The following VOPP1 variants were observed in gnomAD, a reference collection of about 807,000 sequenced individuals.
VOPP1 encodes VOPP1 WW domain binding protein.
A neutral mutation model predicts 23.5 loss-of-function variants in VOPP1; 8 were observed. The ratio of observed to expected loss-of-function variants is 0.34; its 90% CI spans 0.20 to 0.61. The LOEUF (loss-of-function observed/expected upper bound fraction) is 0.61. Ranked by LOEUF, VOPP1 falls within the 20% of genes least tolerant of loss-of-function variation. The probability of loss-of-function intolerance (pLI) is 0.78; values close to 1 mark genes in which losing one functional copy is unlikely to be tolerated. For synonymous variants in VOPP1, 83 were observed against 97.3 expected, an observed-to-expected ratio of 0.85 and a Z score of 0.86; for missense variants, 174 against 238.1, an observed-to-expected ratio of 0.73 and a Z score of 1.77.
rs1791858269 is a variant in VOPP1, at chr7:55,472,031, G to A, written c.*824C>T. On this transcript the variant is annotated 3_prime_UTR_variant, in exon 5 of 5. Transcript: ENST00000285279. Reference sequence around the variant, plus strand: ...CACACACCCAGTCTGATTTCAAAGGGCAGGACGCTCTACATGCACTTCCAT... The same window carrying A: ...CACACACCCAGTCTGATTTCAAAGGACAGGACGCTCTACATGCACTTCCAT... 6.6e-6 allele frequency: 1 copy of A among 152,210 alleles called. No individual in the cohort carries two copies. The highest frequency in any genetic ancestry group is 2.4e-5 in the African/African-American group (1 of 41,440). The allele number at this position is 152,210 out of a possible 1,614,324, so 9.4% of individuals were successfully genotyped here. A position where few individuals can be genotyped will look rare whatever the true frequency, so the allele number is the denominator to read the frequency against.
At chr7:55,567,588 G>A (rs1406523216) in intron 1 of VOPP1, among the ~76,000 whole-genome samples, 1 of 152,172 alleles carries the variant, frequency 6.6e-6, no homozygotes, top group African/African-American at 2.4e-5. Context: ...TGTGCCCAAA[G>A]TAAAAGAAAG....
At chr7:55,479,899 T>C (rs1792574273) in intron 4 of VOPP1, among the ~76,000 whole-genome samples, 1 of 152,218 alleles carries the variant, frequency 6.6e-6, no homozygotes, top group Non-Finnish European at 1.5e-5. Context: ...TGATAAGGAA[T>C]ATATATCAAA....
At chr7:55,446,692 A>G (rs978222597) in intron 4 of VOPP1, among the ~76,000 whole-genome samples, 1 of 152,236 alleles carries the variant, frequency 6.6e-6, no homozygotes, top group Non-Finnish European at 1.5e-5. Context: ...TCAGAGTTGA[A>G]GTAACTTGTG....
At chr7:55,546,814 C>G (rs901065581) in intron 1 of VOPP1, among the ~76,000 whole-genome samples, 2 of 152,238 alleles carry the variant, frequency 1.3e-5, no homozygotes, top group Admixed American at 6.5e-5. Context: ...CAGAGGCCAG[C>G]AGGCCGAGAG....
chr7:55,436,162 A>C (rs1439407504), exon 5 of VOPP1: 3 of 152,308 alleles, frequency 2.0e-5, no homozygotes, highest in Non-Finnish European at 4.4e-5. Flanking sequence ...CCTGTCGTCA[A>C]GGAGTATATG....
chr7:55,478,457 G>A (rs1583855165), intron 4 of VOPP1, among the ~76,000 whole-genome samples: 1 of 152,146 alleles, frequency 6.6e-6, no homozygotes, highest in East Asian at 1.9e-4. Context: ...CAAAAAAGGG[G>A]GCTTTGCATG....
At chr7:55,479,731 G>T (rs777393902) in intron 4 of VOPP1, among the ~76,000 whole-genome samples, 27 of 152,174 alleles carry the variant, frequency 1.8e-4, no homozygotes, top group Non-Finnish European at 3.8e-4. Flanking sequence ...AATCTAAAGT[G>T]CATACTCAAC....
At position 55,536,736 on chromosome 7, in the gene VOPP1, A is replaced by G. The variant is rs928944969; in HGVS notation, c.55-15606T>C. Among the ~76,000 whole-genome samples the G allele has an allele frequency of 5.9e-5, 9 of 152,202 alleles. No individual in the cohort carries two copies. In the South Asian group the frequency reaches 8.3e-4, roughly 14 times the overall value. ...AAAACAACTCGTGTTCACACCAAGG[A>G]GCACTGGCCCAGGCACGGAGCGTGA... is the stretch of plus-strand genomic sequence containing the variant. On this transcript the variant is annotated intron_variant, in intron 1 of 4. Transcript: ENST00000285279.
At chr7:55,498,757 C>T (rs1005706339) in intron 2 of VOPP1, among the ~76,000 whole-genome samples, 1 of 151,758 alleles carries the variant, frequency 6.6e-6, no homozygotes, top group African/African-American at 2.4e-5. Context: ...TATTGCAGTA[C>T]AAATAGGCTT....
chr7:55,495,959 C>T (rs1165669364), intron 3 of VOPP1, among the ~76,000 whole-genome samples: 1 of 152,220 alleles, frequency 6.6e-6, no homozygotes, highest in Non-Finnish European at 1.5e-5. Context: ...ATGGGGCCCA[C>T]CAAGTCGTCG....
At chr7:55,528,288 T>C (rs1796304959) in intron 1 of VOPP1, among the ~76,000 whole-genome samples, 1 of 152,254 alleles carries the variant, frequency 6.6e-6, no homozygotes, top group South Asian at 2.1e-4. Flanking sequence ...GAAAGCCATG[T>C]ACCGAAATAC....
intron 4 of VOPP1, among the ~76,000 whole-genome samples, chr7:55,464,554 C>G (rs1426361447): frequency 6.6e-6 from 1 of 152,162 alleles, no homozygotes; most frequent in African/African-American, 2.4e-5. Flanking sequence ...AATTCCAGTT[C>G]CCTTTGTTCT....
intron 1 of VOPP1, among the ~76,000 whole-genome samples, chr7:55,565,414 C>G (rs1449820974): frequency 3.9e-5 from 6 of 152,200 alleles, no homozygotes; most frequent in Non-Finnish European, 8.8e-5. Context: ...TCCAACTCCA[C>G]CCAGAATCTC....
At chr7:55,535,681 T>C (rs1246042492) in intron 1 of VOPP1, among the ~76,000 whole-genome samples, 1 of 152,192 alleles carries the variant, frequency 6.6e-6, no homozygotes. Context: ...TTGTTAGTTT[T>C]CCCCCTTGGG....
intron 2 of VOPP1, among the ~76,000 whole-genome samples, chr7:55,499,232 C>A (rs1794194161): frequency 6.6e-6 from 1 of 152,160 alleles, no homozygotes; most frequent in African/African-American, 2.4e-5. Context: ...GCAGGTGGAC[C>A]ACTTGAGGTC....
intron 1 of VOPP1, among the ~76,000 whole-genome samples, chr7:55,525,224 C>T (rs954844947): frequency 9.2e-5 from 14 of 152,104 alleles, no homozygotes; most frequent in Admixed American, 2.6e-4. Flanking sequence ...GGCGCGGTGG[C>T]TCAAGCCTGT....
At chr7:55,443,761 C>T (rs1392870235) in intron 4 of VOPP1, among the ~76,000 whole-genome samples, 6 of 150,986 alleles carry the variant, frequency 4.0e-5, no homozygotes, top group African/African-American at 1.5e-4. Flanking sequence ...TCTCCTCCCT[C>T]AGCCTCCTGA....
chr7:55,545,205 A>G (rs1422950882), intron 1 of VOPP1, among the ~76,000 whole-genome samples: 1 of 152,230 alleles, frequency 6.6e-6, no homozygotes, highest in Admixed American at 6.5e-5. Context: ...TTTAAAAATG[A>G]AATAAACTTG....
chr7:55,510,494 T>TTAAGCA (rs1795001484), intron 2 of VOPP1, among the ~76,000 whole-genome samples: 1 of 152,178 alleles, frequency 6.6e-6, no homozygotes, highest in African/African-American at 2.4e-5. Flanking sequence ...TTGTCATGCT[T>TTAAGCA]TAAGGCCCAG....
Sources: allele counts gnomAD v4.1 joint callset (sites outside exome capture counted in the v4.1 genomes callset), GRCh38; gene constraint gnomAD v4.1.1; transcripts MANE v1.5; gene names NCBI Gene and HGNC (gene_info 2026-07-23, HGNC 2026-07-21).